The following RGS7BP variants were observed in gnomAD, a reference collection of about 807,000 sequenced individuals.
RGS7BP encodes the protein regulator of G protein signaling 7-binding protein.
In RGS7BP, 9 loss-of-function variants were observed where a neutral mutation model predicts 31.3. The observed-to-expected ratio is 0.29, with a 90% confidence interval of 0.17 to 0.50. The LOEUF is 0.50. RGS7BP is among the 20% of genes least tolerant of loss of function. RGS7BP has a pLI of 0.98. For missense variants in RGS7BP, 274 were observed against 322.0 expected (o/e 0.85, Z 1.14); for synonymous variants, 115 against 120.1 (o/e 0.96, Z 0.28).
At chr5:64,516,764 A>G (rs1273045391) in intron 2 of RGS7BP, among the ~76,000 whole-genome samples, 1 of 152,170 alleles carries the variant, frequency 6.6e-6, no homozygotes, top group African/African-American at 2.4e-5. Flanking sequence ...TATGAGGCCT[A>G]CCTGCCTAGA....
At chr5:64,533,240 G>A (rs2111929455) in intron 2 of RGS7BP, among the ~76,000 whole-genome samples, 1 of 152,248 alleles carries the variant, frequency 6.6e-6, no homozygotes, top group Non-Finnish European at 1.5e-5. Flanking sequence ...ATCTAGAGCT[G>A]AGAGAGACTG....
intron 2 of RGS7BP, among the ~76,000 whole-genome samples, chr5:64,538,528 C>CT (rs200275665): frequency 0.37 from 15,955 of 42,656 alleles, 2,393 homozygotes; most frequent in East Asian, 0.61. Flanking sequence ...CTTTTCTTTT[C>CT]TTTTTTTTTT....
chr5:64,554,692 T>A lies in RGS7BP; in HGVS notation c.333-21082T>A, dbSNP rs193117697. On this transcript the variant is annotated intron_variant, in intron 2 of 5. Transcript: ENST00000334025. Reference sequence around the variant, plus strand: ...ACACAAGGAAAGAATCTAGCAAAGGTGAAAGTGAACATGCAAAGTCAACAG... The same window carrying A: ...ACACAAGGAAAGAATCTAGCAAAGGAGAAAGTGAACATGCAAAGTCAACAG... Among the ~76,000 whole-genome samples the A allele has an allele frequency of 4.0e-4, 61 of 152,112 alleles. No homozygotes were observed. The East Asian group carries it at 5.2e-3, about 13-fold the overall frequency.
intron 2 of RGS7BP, among the ~76,000 whole-genome samples, chr5:64,518,364 T>C (rs1411817676): frequency 3.1e-5 from 4 of 128,508 alleles, no homozygotes; most frequent in Non-Finnish European, 6.5e-5. Context: ...GTGGTGGTGG[T>C]GGCGGGGGTG....
At chr5:64,605,944 CTGGATACATATATATATGCT>C (rs1743344459) in intron 5 of RGS7BP, among the ~76,000 whole-genome samples, 1 of 129,392 alleles carries the variant, frequency 7.7e-6, no homozygotes, top group Non-Finnish European at 1.7e-5. Context: ...ATATGTATAT[CTGGATACATATATATATGCT>C]ATATATATGT....
At chr5:64,605,819 G>A (rs749386879) in intron 5 of RGS7BP, among the ~76,000 whole-genome samples, 2 of 151,482 alleles carry the variant, frequency 1.3e-5, no homozygotes, top group Admixed American at 1.3e-4. Context: ...ATTCACTTGT[G>A]AGAGAGATAT....
intron 2 of RGS7BP, among the ~76,000 whole-genome samples, chr5:64,550,501 C>G (rs768535575): frequency 3.3e-4 from 49 of 150,164 alleles, no homozygotes; most frequent in Non-Finnish European, 6.0e-4. Context: ...ACAGTTACAG[C>G]TTTAACATAT....
chr5:64,558,577 G>C (rs1355773768), intron 2 of RGS7BP, among the ~76,000 whole-genome samples: 1 of 152,074 alleles, frequency 6.6e-6, no homozygotes, highest in Non-Finnish European at 1.5e-5. Flanking sequence ...CGTAAAGCCT[G>C]TGTTTTTGAA....
intron 2 of RGS7BP, among the ~76,000 whole-genome samples, chr5:64,553,171 CTT>C (rs542252038): frequency 4.2e-5 from 5 of 118,230 alleles, no homozygotes; most frequent in Non-Finnish European, 3.3e-5. Flanking sequence ...TTCTTTCTTT[CTT>C]TTTTTTTTTT....
rs10491470 is a variant in RGS7BP at position 64,594,918 on chromosome 5, C to T, written c.611+61C>T. Reference sequence around the variant, plus strand: ...CTCCTCCCGTTAATGTTCTTAGGGGCCACAGAGAGACGAGGTTTTCTAGTT... The same window carrying T: ...CTCCTCCCGTTAATGTTCTTAGGGGTCACAGAGAGACGAGGTTTTCTAGTT... On this transcript the variant is annotated intron_variant, in intron 4 of 5. Coordinates refer to ENST00000334025, the MANE Select transcript of RGS7BP (RefSeq NM_001029875.3). 21,394 of 1,530,852 alleles carry T rather than the reference C, an allele frequency of 0.014. 2,014 individuals are homozygous for T. The African/African-American group carries it at 0.23, about 16-fold the overall frequency. The allele number at this position is 1,530,852 out of a possible 1,614,324, so 94.8% of individuals were successfully genotyped here. A position where few individuals can be genotyped will look rare whatever the true frequency, so the allele number is the denominator to read the frequency against.
chr5:64,549,944 G>A (rs1003319219), intron 2 of RGS7BP, among the ~76,000 whole-genome samples: 6 of 152,104 alleles, frequency 3.9e-5, no homozygotes, highest in African/African-American at 1.4e-4. Context: ...CAATGTCATC[G>A]CTTGGTAGTT....
At chr5:64,589,897 C>A in intron 3 of RGS7BP, among the ~76,000 whole-genome samples, 1 of 149,818 alleles carries the variant, frequency 6.7e-6, no homozygotes. Flanking sequence ...TGCACTCTAG[C>A]CTGGGCAACA....
chr5:64,509,978 G>A (rs1748790051), intron 2 of RGS7BP, among the ~76,000 whole-genome samples: 1 of 152,192 alleles, frequency 6.6e-6, no homozygotes, highest in Non-Finnish European at 1.5e-5. Flanking sequence ...CGTTAATGAA[G>A]GATGTGATTC....
chr5:64,524,176 C>T (rs1749176795), intron 2 of RGS7BP, among the ~76,000 whole-genome samples: 1 of 152,198 alleles, frequency 6.6e-6, no homozygotes, highest in African/African-American at 2.4e-5. Context: ...CATTTCTAGA[C>T]AACTATTTCT....
chr5:64,553,145 G>A (rs571298012), intron 2 of RGS7BP, among the ~76,000 whole-genome samples: 3 of 148,236 alleles, frequency 2.0e-5, no homozygotes, highest in Admixed American at 6.7e-5. Context: ...ACTTGAATCT[G>A]TAGGACTTCC....
intron 2 of RGS7BP, among the ~76,000 whole-genome samples, chr5:64,508,614 G>T (rs997551035): frequency 1.3e-5 from 2 of 152,148 alleles, no homozygotes; most frequent in Non-Finnish European, 2.9e-5. Context: ...GTTAGCCATG[G>T]ATTTTGTTAA....
At chr5:64,572,081 T>C (rs1386165488) in intron 2 of RGS7BP, among the ~76,000 whole-genome samples, 1 of 152,156 alleles carries the variant, frequency 6.6e-6, no homozygotes, top group Admixed American at 6.6e-5. Flanking sequence ...GTGAAACGTG[T>C]TAGACTAAAC....
intron 2 of RGS7BP, among the ~76,000 whole-genome samples, chr5:64,542,123 A>G (rs1435551224): frequency 6.6e-6 from 1 of 152,200 alleles, no homozygotes; most frequent in Non-Finnish European, 1.5e-5. Flanking sequence ...TTCCTTATAT[A>G]TACTTCGTGT....
rs534812516 is a variant in RGS7BP at position 64,506,446 on chromosome 5, G to T, written c.-179G>T. On this transcript the variant is annotated 5_prime_UTR_variant, in exon 1 of 6. Coordinates refer to ENST00000334025, the MANE Select transcript of RGS7BP (RefSeq NM_001029875.3). This position sits in a 1 kb window ranked among gnomAD's most constrained non-coding sequence, Gnocchi z 4.6. Reference sequence around the variant, plus strand: ...AGCGATGCTGCACGGCACAGCTAGCGCTTCCCCGGCTCTCCTTCAAGCTGA... The same window carrying T: ...AGCGATGCTGCACGGCACAGCTAGCTCTTCCCCGGCTCTCCTTCAAGCTGA... 6 of 479,954 alleles carry T rather than the reference G, an allele frequency of 1.3e-5. No homozygotes were observed. The highest frequency in any genetic ancestry group is 2.2e-5 in the Non-Finnish European group (6 of 272,036). The allele number at this position is 479,954 out of a possible 1,614,324, so 29.7% of individuals were successfully genotyped here.
Sources: gnomAD v4.1 joint callset for allele counts (sites outside exome capture counted in the v4.1 genomes callset) on GRCh38, gnomAD v4.1.1 for gene constraint, Gnocchi (gnomAD v3.1) non-coding constraint, MANE v1.5 for transcripts, NCBI Gene and HGNC (gene_info 2026-07-23, HGNC 2026-07-21) for gene names.